The following IFT122 variants were observed in gnomAD, a reference collection of about 807,000 sequenced individuals.
IFT122 encodes intraflagellar transport 122.
Under a neutral mutation model 161.6 loss-of-function variants are expected in IFT122, and 118 were observed. The ratio of observed to expected loss-of-function variants is 0.73; its 90% CI spans 0.63 to 0.85. IFT122 has a LOEUF of 0.85. Among genes scored for constraint, IFT122 ranks in the 40% least tolerant of loss-of-function variants. IFT122 has a pLI of 0.00. For missense variants in IFT122, 1,381 were observed against 1,579.6 expected, an observed-to-expected ratio of 0.87 and a Z score of 2.13; for synonymous variants, 550 against 602.4, an observed-to-expected ratio of 0.91 and a Z score of 1.27.
intron 9 of IFT122, among the ~76,000 whole-genome samples, chr3:129,472,599 C>T (rs2077478632): frequency 6.6e-6 from 1 of 152,204 alleles, no homozygotes; most frequent in Non-Finnish European, 1.5e-5. Context: ...TTTGAATCTA[C>T]ACATTGATAT....
chr3:129,520,097 A>C (rs2084568535), intron 29 of IFT122, 79 bp from the exon 30 acceptor site: 1 of 1,166,194 alleles, frequency 8.6e-7, no homozygotes, highest in East Asian at 2.4e-5. Context: ...TCCCCTTGAG[A>C]GGCAGTGCGT....
rs773512823 is a variant in IFT122 at position 129,483,693 on chromosome 3, G to T, written c.1851+11G>T. ...GTGGAGGTGCCGCAGGTAACTGGGG[G>T]TGCCTGTCCACTCTTAGCACTGGCA... On this transcript the variant is annotated intron_variant, in intron 15 of 29. Transcript: ENST00000348417. 2.5e-6 allele frequency: 4 copies of T among 1,578,764 alleles called. No individual in the cohort carries two copies. The highest frequency in any genetic ancestry group is 2.6e-6 in the Non-Finnish European group (3 of 1,161,886).
At chr3:129,455,624 G>A (rs1379569213) in intron 3 of IFT122, among the ~76,000 whole-genome samples, 2 of 151,868 alleles carry the variant, frequency 1.3e-5, no homozygotes, top group Non-Finnish European at 2.9e-5. Context: ...CAACATAAGG[G>A]TTAGGGGTGC....
At chr3:129,442,212 A>G (rs1042882683) in intron 1 of IFT122, among the ~76,000 whole-genome samples, 8 of 152,066 alleles carry the variant, frequency 5.3e-5, no homozygotes, top group African/African-American at 1.9e-4. Flanking sequence ...CTCTTGTGGT[A>G]CTTCCAGAGT....
At chr3:129,500,381 A>G (rs556415692) in intron 19 of IFT122, among the ~76,000 whole-genome samples, 3 of 152,230 alleles carry the variant, frequency 2.0e-5, no homozygotes, top group African/African-American at 7.2e-5. Context: ...CACCTATGCC[A>G]TCAGGGCTGG....
intron 11 of IFT122, 95 bp from the exon 12 acceptor site, chr3:129,477,921 C>T (rs1341531528): frequency 3.0e-6 from 3 of 988,062 alleles, no homozygotes; most frequent in East Asian, 2.4e-5. Context: ...ACTTTAATTG[C>T]CAGTAGCGCT....
intron 19 of IFT122, among the ~76,000 whole-genome samples, chr3:129,500,923 C>T (rs2081456201): frequency 6.6e-6 from 1 of 152,162 alleles, no homozygotes; most frequent in Non-Finnish European, 1.5e-5. Flanking sequence ...TGCAGTAGAG[C>T]AGGAGGGAAC....
At chr3:129,513,927 G>A (rs2083146997) in intron 24 of IFT122, 3 of 294,636 alleles carry the variant, frequency 1.0e-5, no homozygotes, top group South Asian at 9.0e-5. Context: ...CCTCGGGGAA[G>A]GGTGTGCAGA....
At chr3:129,507,338 T>C (rs2082290388) in intron 22 of IFT122, among the ~76,000 whole-genome samples, 1 of 152,238 alleles carries the variant, frequency 6.6e-6, no homozygotes, top group South Asian at 2.1e-4. Flanking sequence ...CCCAGCAGGC[T>C]CTTCCGACAC....
At position 129,490,468 on chromosome 3, in the gene IFT122, G is replaced by A. The variant is rs537470029; in HGVS notation, c.1993-1673G>A. 9.8e-5 allele frequency among the ~76,000 whole-genome samples: 15 copies of A among 152,286 alleles called. No homozygotes were observed. In the South Asian group the frequency reaches 2.1e-3, roughly 21 times the overall value. ...GCTTCCCTCTGCTGAGCTCATTCAG[G>A]GGCCTTGTGACTCTGACCAGGCACC... On this transcript the variant is annotated intron_variant, in intron 16 of 29. Coordinates refer to ENST00000348417, the MANE Select transcript of IFT122 (RefSeq NM_052989.3).
intron 16 of IFT122, 58 bp from the exon 17 acceptor site, chr3:129,492,083 T>C: frequency 7.5e-7 from 1 of 1,326,078 alleles, no homozygotes; most frequent in Non-Finnish European, 1.1e-6. Flanking sequence ...CCCTAGCCAA[T>C]CACCCACTTT....
intron 20 of IFT122, 86 bp downstream of exon 20, chr3:129,502,968 A>G (rs978870465): frequency 1.8e-5 from 23 of 1,313,128 alleles, no homozygotes; most frequent in Non-Finnish European, 2.3e-5. Context: ...TTTGGGGTTC[A>G]GATGGAGAGA....
chr3:129,492,105 A>T (rs2080191893), intron 16 of IFT122, 36 bp from the exon 17 acceptor site: 1 of 1,562,306 alleles, frequency 6.4e-7, no homozygotes, highest in Non-Finnish European at 8.8e-7. Flanking sequence ...GAAGCCAAGA[A>T]GACAGCTTAT....
intron 18 of IFT122, among the ~76,000 whole-genome samples, chr3:129,496,508 T>C (rs2080864724): frequency 6.6e-6 from 1 of 152,194 alleles, no homozygotes; most frequent in Non-Finnish European, 1.5e-5. Context: ...CTACTAATGG[T>C]AGTTCTCCAG....
chr3:129,457,566 G>A (rs965180600), intron 3 of IFT122, among the ~76,000 whole-genome samples: 5 of 152,092 alleles, frequency 3.3e-5, no homozygotes, highest in African/African-American at 1.2e-4. Flanking sequence ...TCCACTGAAG[G>A]ATCTCATCCT....
chr3:129,453,157 A>T (rs1173854271), intron 3 of IFT122, among the ~76,000 whole-genome samples: 1 of 152,202 alleles, frequency 6.6e-6, no homozygotes, highest in Non-Finnish European at 1.5e-5. Flanking sequence ...GTTGTTGAGT[A>T]GGCAAGAGGA....
Position 129,466,991 on chromosome 3 carries a change from T to A in IFT122, c.665T>A (p.Val222Glu). 6.2e-7 allele frequency: 1 copy of A among 1,614,166 alleles called. No homozygotes were observed. Among genetic ancestry groups the A allele is most frequent in the Admixed American group, 1.7e-5 (1 of 60,028 alleles). The change falls in exon 8 of 30, where the codon GTG (valine) becomes GAG (glutamate). Residue 222 changes from valine (V) to glutamate (E), a missense_variant. Val to Glu is a moderately radical substitution (Grantham distance 121, BLOSUM62 -2). Around this residue, in one of 7 missense-constraint regions of IFT122, gnomAD observed 544 missense variants for 648.0 expected, o/e 0.84. Coordinates refer to ENST00000348417, the MANE Select transcript of IFT122 (RefSeq NM_052989.3). The stretch of plus-strand genomic sequence containing the variant: ...ATCCCTTCCACTCTGAAGTCAGCAG[T>A]GTACAGTAGTCAGGGTAGTGAGGCA... ...QEIPSTLKSA[V>E]YSSQGSEAEE...
At chr3:129,480,133 T>C (rs994736848) in intron 13 of IFT122, among the ~76,000 whole-genome samples, 3 of 152,196 alleles carry the variant, frequency 2.0e-5, no homozygotes, top group African/African-American at 7.2e-5. Context: ...GGCCCACGTT[T>C]TGGCAGAGTT....
chr3:129,480,348 TGATA>T (rs1413411065), intron 13 of IFT122, among the ~76,000 whole-genome samples: 16 of 152,338 alleles, frequency 1.1e-4, no homozygotes, highest in Middle Eastern at 3.4e-3. Context: ...CTCAAGATAC[TGATA>T]GATGTCATAA....
Sources: allele counts gnomAD v4.1 joint callset (sites outside exome capture counted in the v4.1 genomes callset), GRCh38; gene constraint gnomAD v4.1.1; regional missense constraint gnomAD v4.1.1; transcripts MANE v1.5; gene names NCBI Gene and HGNC (gene_info 2026-07-23, HGNC 2026-07-21).